The following PALM2AKAP2 variants were observed in gnomAD, a reference collection of about 807,000 sequenced individuals.
PALM2AKAP2 encodes the protein PALM2 and AKAP2 fusion.
PALM2AKAP2 carries 37 observed loss-of-function variants against 71.5 expected under a neutral mutation model. The observed-to-expected ratio is 0.52, with a 90% CI of 0.40 to 0.68. The LOEUF (loss-of-function observed/expected upper bound fraction) is 0.68, where lower values mean the gene tolerates loss of function less well. PALM2AKAP2 is among the 30% of genes least tolerant of loss of function. The pLI, the probability that PALM2AKAP2 is intolerant of heterozygous loss-of-function variation, is 0.00. For synonymous variants in PALM2AKAP2, 468 were observed against 478.8 expected (o/e 0.98, Z 0.29); for missense variants, 1,224 against 1,191.8 (o/e 1.03, Z -0.40).
Position 109,782,372 on chromosome 9 carries a change from C to T in PALM2AKAP2, c.45+1839C>T, listed in dbSNP as rs1023706589. ...TGAATGTGCACCTAATACAGTCTGC[C>T]CTCCCTATTCATGGGTTCCATATCC... On this transcript the variant is annotated intron_variant, in intron 1 of 9. Coordinates refer to the PALM2AKAP2 transcript ENST00000302798. Among the ~76,000 whole-genome samples, 4 of 152,092 alleles carry T rather than the reference C, an allele frequency of 2.6e-5. No individual in the cohort carries two copies. In the South Asian group the frequency reaches 8.3e-4, roughly 32 times the overall value.
chr9:110,149,751 A>G (rs1340573508), intron 2 of PALM2AKAP2, among the ~76,000 whole-genome samples: 7 of 152,230 alleles, frequency 4.6e-5, no homozygotes, highest in Admixed American at 1.3e-4. Context: ...CAGGAGTTCA[A>G]GCCCTGGGCA....
intron 7 of PALM2AKAP2, chr9:110,025,171 C>T (rs1252372881): frequency 1.0e-5 from 14 of 1,392,804 alleles, no homozygotes; most frequent in Non-Finnish European, 1.4e-5. Context: ...ATTGTAGACT[C>T]TTCCAGTTTT....
chr9:109,710,560 A>G lies in PALM2AKAP2; in HGVS notation c.5+69694A>G, dbSNP rs576911798. On this transcript the variant is annotated intron_variant, in intron 1 of 6. Coordinates refer to the PALM2AKAP2 transcript ENST00000374531. ...AGCATCAGTTTTTTTCACCTGCAAG[A>G]CGGGGTGGGAAGGGAAGTAGCACTT... Among the ~76,000 whole-genome samples the G allele has an allele frequency of 2.0e-5, 3 of 152,316 alleles. No homozygotes were observed. The South Asian group carries it at 6.2e-4, about 32-fold the overall frequency.
intron 2 of PALM2AKAP2, among the ~76,000 whole-genome samples, chr9:109,877,476 A>T (rs1445627865): frequency 2.0e-5 from 3 of 152,156 alleles, no homozygotes; most frequent in Admixed American, 6.5e-5. Context: ...TGAGGATAGT[A>T]TGAAAGGGCC....
At chr9:109,742,684 C>T (rs1828733176) in intron 1 of PALM2AKAP2, among the ~76,000 whole-genome samples, 1 of 152,022 alleles carries the variant, frequency 6.6e-6, no homozygotes, top group Non-Finnish European at 1.5e-5. Context: ...TTATATATAC[C>T]ACATAAACCT....
intron 1 of PALM2AKAP2, among the ~76,000 whole-genome samples, chr9:109,833,003 C>A (rs1036754370): frequency 1.3e-5 from 2 of 152,162 alleles, no homozygotes; most frequent in African/African-American, 4.8e-5. Context: ...TTTCCTCATG[C>A]GAGAGCTGTT....
intron 1 of PALM2AKAP2, among the ~76,000 whole-genome samples, chr9:109,707,041 G>C (rs1828155884): frequency 6.6e-6 from 1 of 152,178 alleles, no homozygotes. Flanking sequence ...GAGCTTTATA[G>C]AGTATGTAAA....
At chr9:110,150,417 C>G (rs906704135) in intron 2 of PALM2AKAP2, among the ~76,000 whole-genome samples, 2 of 152,180 alleles carry the variant, frequency 1.3e-5, no homozygotes, top group African/African-American at 4.8e-5. Flanking sequence ...TGTATGCTGC[C>G]TACATTCCTT....
intron 1 of PALM2AKAP2, among the ~76,000 whole-genome samples, chr9:109,661,940 A>C (rs1827403657): frequency 6.6e-6 from 1 of 152,072 alleles, no homozygotes; most frequent in African/African-American, 2.4e-5. Context: ...TGTGAATGGG[A>C]GTTCACTCAT....
chr9:109,728,000 G>T (rs981950826), intron 1 of PALM2AKAP2, among the ~76,000 whole-genome samples: 14 of 152,262 alleles, frequency 9.2e-5, no homozygotes, highest in African/African-American at 3.1e-4. Flanking sequence ...TTCTATTCAG[G>T]AATTCAAATA....
At chr9:109,832,366 A>G (rs186590912) in intron 1 of PALM2AKAP2, among the ~76,000 whole-genome samples, 2 of 152,310 alleles carry the variant, frequency 1.3e-5, no homozygotes, top group Non-Finnish European at 2.9e-5. Context: ...AACTGTACCC[A>G]CCTCACAAGG....
intron 6 of PALM2AKAP2, among the ~76,000 whole-genome samples, chr9:109,969,706 G>C (rs1252948880): frequency 6.6e-6 from 1 of 152,156 alleles, no homozygotes; most frequent in Admixed American, 6.5e-5. Context: ...GGAGACAGGA[G>C]CCTTGGCAGA....
chr9:110,048,882 G>A, intron 1 of PALM2AKAP2: 1 of 1,518,392 alleles, frequency 6.6e-7, no homozygotes. Context: ...GGGAGGGGAG[G>A]GGCTGGAGTG....
chr9:109,800,608 A>G (rs1176460137), intron 1 of PALM2AKAP2, among the ~76,000 whole-genome samples: 1 of 151,838 alleles, frequency 6.6e-6, no homozygotes, highest in Non-Finnish European at 1.5e-5. Context: ...GGATCCTTTC[A>G]ACACAATGCT....
At chr9:110,091,395 G>T (rs1834701552) in intron 1 of PALM2AKAP2, among the ~76,000 whole-genome samples, 1 of 106,376 alleles carries the variant, frequency 9.4e-6, no homozygotes, top group Non-Finnish European at 1.9e-5. Flanking sequence ...CTGATCCTTG[G>T]TGGTTGGGGT....
At chr9:109,687,701 A>C (rs1827824171) in intron 1 of PALM2AKAP2, among the ~76,000 whole-genome samples, 1 of 152,220 alleles carries the variant, frequency 6.6e-6, no homozygotes, top group South Asian at 2.1e-4. Context: ...CTGGAGTAGC[A>C]CTTTTAATTT....
At chr9:109,768,119 A>T (rs1437199672) in intron 1 of PALM2AKAP2, among the ~76,000 whole-genome samples, 1 of 151,744 alleles carries the variant, frequency 6.6e-6, no homozygotes, top group Non-Finnish European at 1.5e-5. Context: ...GAAGAAAGGA[A>T]GGAAAGAAAG....
At chr9:109,884,634 A>G (rs1470637597) in intron 3 of PALM2AKAP2, among the ~76,000 whole-genome samples, 1 of 152,202 alleles carries the variant, frequency 6.6e-6, no homozygotes, top group Non-Finnish European at 1.5e-5. Flanking sequence ...CATTAAATAA[A>G]GGCATTTTAA....
At chr9:109,779,243 T>G (rs1476560581), upstream of PALM2AKAP2, among the ~76,000 whole-genome samples, 1 of 152,200 alleles carries the variant, frequency 6.6e-6, no homozygotes, top group African/African-American at 2.4e-5. Context: ...GGCATTGATC[T>G]CCTTTTGGAC....
Sources: gnomAD v4.1 joint callset for allele counts (sites outside exome capture counted in the v4.1 genomes callset) on GRCh38, gnomAD v4.1.1 for gene constraint, MANE v1.5 for transcripts, NCBI Gene and HGNC (gene_info 2026-07-23, HGNC 2026-07-21) for gene names.